Variants in RNLS observed in about 807,000 individuals in gnomAD.
RNLS encodes renalase.
In RNLS, 39 loss-of-function variants were observed where a neutral mutation model predicts 39.8. The ratio of observed to expected loss-of-function variants is 0.98; its 90% CI spans 0.76 to 1.28. The LOEUF is 1.28. RNLS is among the 50% of genes most tolerant of loss of function. The pLI is 0.00. For synonymous variants in RNLS, 147 were observed against 150.7 expected, an observed-to-expected ratio of 0.98 and a Z score of 0.18; for missense variants, 410 against 413.3, an observed-to-expected ratio of 0.99 and a Z score of 0.07.
At chr10:88,193,381 A>C in the RNLS span, among the ~76,000 whole-genome samples, 1 of 152,086 alleles carries the variant, frequency 6.6e-6, no homozygotes, top group Non-Finnish European at 1.5e-5. Context: ...GTGCGAACAC[A>C]TTAGCCAAGC....
chr10:88,531,917 T>C (rs544718649), intron 4 of RNLS, among the ~76,000 whole-genome samples: 2 of 151,986 alleles, frequency 1.3e-5, no homozygotes, highest in Non-Finnish European at 2.9e-5. Context: ...AAAATCATTA[T>C]CCCTCCAAAA....
At chr10:88,501,597 G>A (rs1166009445) in intron 4 of RNLS, among the ~76,000 whole-genome samples, 3 of 151,998 alleles carry the variant, frequency 2.0e-5, no homozygotes, top group African/African-American at 7.2e-5. Flanking sequence ...TAAGGTCTAC[G>A]GATACATTTA....
intron 6 of RNLS, among the ~76,000 whole-genome samples, chr10:88,309,014 T>C (rs1277422006): frequency 2.6e-5 from 4 of 152,086 alleles, no homozygotes; most frequent in African/African-American, 9.7e-5. Context: ...AGCAAACTAA[T>C]GCGGGAACAG....
chr10:88,177,195 T>A, the RNLS span, among the ~76,000 whole-genome samples: 2 of 152,188 alleles, frequency 1.3e-5, no homozygotes, highest in African/African-American at 4.8e-5. Context: ...CTATCCTTTC[T>A]TCTGAAACTT....
At chr10:88,514,166 TG>T (rs1846289202) in intron 4 of RNLS, among the ~76,000 whole-genome samples, 1 of 150,302 alleles carries the variant, frequency 6.7e-6, no homozygotes, top group African/African-American at 2.4e-5. Flanking sequence ...TTCACATGGC[TG>T]GGGAGGCCTC....
chr10:88,428,724 G>C (rs2133798623), intron 4 of RNLS, among the ~76,000 whole-genome samples: 1 of 152,092 alleles, frequency 6.6e-6, no homozygotes, highest in South Asian at 2.1e-4. Flanking sequence ...GACACTCCCT[G>C]AAGTGATTCA....
chr10:88,395,187 G>T (rs1852477510), intron 4 of RNLS, among the ~76,000 whole-genome samples: 1 of 140,038 alleles, frequency 7.1e-6, no homozygotes, highest in African/African-American at 2.7e-5. Context: ...AAAACTTAAA[G>T]TATAATAATA....
chr10:88,332,069 C>T (rs560749504), intron 5 of RNLS, among the ~76,000 whole-genome samples: 2 of 152,326 alleles, frequency 1.3e-5, no homozygotes, highest in South Asian at 2.1e-4. Flanking sequence ...TCCTTGGCTG[C>T]GTGTCTACTG....
At chr10:88,181,356 G>T in the RNLS span, among the ~76,000 whole-genome samples, 1 of 152,008 alleles carries the variant, frequency 6.6e-6, no homozygotes, top group Non-Finnish European at 1.5e-5. Flanking sequence ...ATGGAATGCA[G>T]CTCCCCTGAC....
intron 4 of RNLS, among the ~76,000 whole-genome samples, chr10:88,425,431 C>T (rs2133781029): frequency 6.6e-6 from 1 of 152,202 alleles, no homozygotes; most frequent in East Asian, 1.9e-4. Context: ...AAACTGCTGG[C>T]AACTTCTGTC....
chr10:88,424,316 C>T (rs1198071449), intron 4 of RNLS, among the ~76,000 whole-genome samples: 1 of 152,104 alleles, frequency 6.6e-6, no homozygotes, highest in Non-Finnish European at 1.5e-5. Flanking sequence ...TTTTGACACT[C>T]TGGAAGACTG....
the RNLS span, among the ~76,000 whole-genome samples, chr10:88,211,956 G>A: frequency 1.3e-5 from 2 of 152,190 alleles, no homozygotes; most frequent in African/African-American, 4.8e-5. Flanking sequence ...GCATGTCAGG[G>A]AGGACAAGAT....
chr10:88,469,310 C>G (rs1159150704), intron 4 of RNLS, among the ~76,000 whole-genome samples: 3 of 152,212 alleles, frequency 2.0e-5, no homozygotes, highest in Non-Finnish European at 4.4e-5. Flanking sequence ...ATCTTATCCC[C>G]TTTTCCACAG....
At chr10:88,418,338 T>C (rs1589758356) in intron 4 of RNLS, among the ~76,000 whole-genome samples, 1 of 152,326 alleles carries the variant, frequency 6.6e-6, no homozygotes, top group South Asian at 2.1e-4. Context: ...CAGATGTATG[T>C]GGCCCATTTG....
chr10:88,495,747 T>C (rs1845137596), intron 4 of RNLS, among the ~76,000 whole-genome samples: 1 of 152,010 alleles, frequency 6.6e-6, no homozygotes, highest in African/African-American at 2.4e-5. Context: ...TATGGAAAAC[T>C]GGTTTGGGTT....
intron 4 of RNLS, among the ~76,000 whole-genome samples, chr10:88,466,238 G>A (rs1281541003): frequency 6.6e-6 from 1 of 151,968 alleles, no homozygotes; most frequent in Admixed American, 6.6e-5. Context: ...TGGGGAGACA[G>A]CTATCATTGA....
At chr10:88,323,008 C>G (rs546548003) in intron 5 of RNLS, among the ~76,000 whole-genome samples, 1 of 152,032 alleles carries the variant, frequency 6.6e-6, no homozygotes, top group African/African-American at 2.4e-5. Flanking sequence ...AGCTGAGAAC[C>G]AAATCAAACA....
At chr10:88,233,714 G>A in the RNLS span, among the ~76,000 whole-genome samples, 104,662 of 152,006 alleles carry the variant, frequency 0.69, 36,361 homozygotes, top group East Asian at 0.8. Flanking sequence ...GACTTCAAGA[G>A]TAAGCCTGTT....
At chr10:88,453,149 G>A (rs1291464647) in intron 4 of RNLS, among the ~76,000 whole-genome samples, 2 of 152,188 alleles carry the variant, frequency 1.3e-5, no homozygotes, top group African/African-American at 4.8e-5. Flanking sequence ...AAGCAAGCGG[G>A]TATGAATGGT....
Sources: gnomAD v4.1 joint callset for allele counts (sites outside exome capture counted in the v4.1 genomes callset) on GRCh38, gnomAD v4.1.1 for gene constraint, MANE v1.5 for transcripts, NCBI Gene and HGNC (gene_info 2026-07-23, HGNC 2026-07-21) for gene names.